STK33: variants seen among roughly 807,000 people sequenced by gnomAD.
STK33 encodes the protein serine/threonine kinase 33, also known as serine/threonine-protein kinase 33.
STK33 carries 52 observed loss-of-function variants against 58.0 expected under a neutral mutation model. The observed-to-expected ratio is 0.90, with a 90% confidence interval of 0.72 to 1.13. The LOEUF (loss-of-function observed/expected upper bound fraction) is 1.13, where lower values mean the gene tolerates loss of function less well. Ranked by LOEUF, STK33 falls within the 50% of genes most tolerant of loss-of-function variation. STK33 has a pLI of 0.00. For synonymous variants in STK33, 215 were observed against 200.1 expected, an observed-to-expected ratio of 1.07 and a Z score of -0.63; for missense variants, 630 against 604.2, an observed-to-expected ratio of 1.04 and a Z score of -0.45.
chr11:8,425,140 T>A (rs990862981), intron 14 of STK33, among the ~76,000 whole-genome samples: 19 of 151,772 alleles, frequency 1.3e-4, no homozygotes, highest in Admixed American at 3.3e-4. Flanking sequence ...AAGTCTTTAA[T>A]CCATCTTGAA....
the STK33 span, among the ~76,000 whole-genome samples, chr11:8,385,214 T>C: frequency 6.6e-6 from 1 of 152,240 alleles, no homozygotes; most frequent in Non-Finnish European, 1.5e-5. Context: ...CTCTAACTAA[T>C]CTCCCTGGTT....
chr11:8,514,930 A>G (rs1484238870), intron 1 of STK33, among the ~76,000 whole-genome samples: 1 of 152,230 alleles, frequency 6.6e-6, no homozygotes, highest in Non-Finnish European at 1.5e-5. Context: ...AATACAGACA[A>G]GAAAATTATA....
intron 1 of STK33, among the ~76,000 whole-genome samples, chr11:8,492,014 T>C (rs1033819120): frequency 1.3e-5 from 2 of 152,104 alleles, no homozygotes; most frequent in South Asian, 4.1e-4. Flanking sequence ...AGACCATCAA[T>C]GCTAGGAAGA....
intron 6 of STK33, among the ~76,000 whole-genome samples, chr11:8,472,083 T>C (rs918736165): frequency 6.6e-6 from 1 of 152,150 alleles, no homozygotes; most frequent in African/African-American, 2.4e-5. Flanking sequence ...AATGCCTCTA[T>C]ATCCTGCTAA....
chr11:8,409,431 T>A (rs1939828153), intron 15 of STK33, among the ~76,000 whole-genome samples: 1 of 152,176 alleles, frequency 6.6e-6, no homozygotes, highest in African/African-American at 2.4e-5. Flanking sequence ...TCAGCCAGAA[T>A]AACGGCCAAG....
downstream of STK33, among the ~76,000 whole-genome samples, chr11:8,388,247 C>G (rs944684157): frequency 6.6e-6 from 1 of 152,164 alleles, no homozygotes; most frequent in Admixed American, 6.5e-5. Flanking sequence ...GTGGTGGGAA[C>G]CCCCACCACT....
At chr11:8,554,030 T>C (rs1031263234) in intron 1 of STK33, among the ~76,000 whole-genome samples, 29 of 151,820 alleles carry the variant, frequency 1.9e-4, no homozygotes, top group African/African-American at 7.0e-4. Context: ...TAGGAGAAAA[T>C]ATTTACAAAC....
intron 1 of STK33, among the ~76,000 whole-genome samples, chr11:8,526,935 A>C (rs761132034): frequency 2.5e-4 from 37 of 150,098 alleles, no homozygotes; most frequent in Non-Finnish European, 5.0e-4. Context: ...AAAAGAAAAC[A>C]GGTAATTATT....
At chr11:8,561,667 T>C (rs1957120725) in intron 1 of STK33, among the ~76,000 whole-genome samples, 1 of 152,222 alleles carries the variant, frequency 6.6e-6, no homozygotes. Context: ...AACACATATG[T>C]TGGATCTTCT....
chr11:8,390,007 C>G (rs1848596162), downstream of STK33, among the ~76,000 whole-genome samples: 1 of 152,186 alleles, frequency 6.6e-6, no homozygotes, highest in Non-Finnish European at 1.5e-5. Flanking sequence ...TCCTCTCGCT[C>G]CGGCTTCCGG....
chr11:8,491,926 A>C (rs906973639), intron 1 of STK33, among the ~76,000 whole-genome samples: 19 of 152,186 alleles, frequency 1.2e-4, no homozygotes, highest in Non-Finnish European at 1.8e-4. Flanking sequence ...GCCTGCCCTA[A>C]AAGAGCTCCT....
At chr11:8,424,716 G>A (rs1476492137) in intron 14 of STK33, among the ~76,000 whole-genome samples, 2 of 146,352 alleles carry the variant, frequency 1.4e-5, no homozygotes, top group African/African-American at 5.2e-5. Flanking sequence ...TTGTGGTTTT[G>A]ATTCACATTT....
At chr11:8,475,708 T>C (rs1369256699) in intron 4 of STK33, 1 of 152,100 alleles carries the variant, frequency 6.6e-6, no homozygotes, top group Non-Finnish European at 1.5e-5. Flanking sequence ...ACTAGGACCA[T>C]TGGCAGCTGC....
At position 8,392,508 on chromosome 11, in the gene STK33, C is replaced by A. The variant is rs149850747; in HGVS notation, c.*2G>T. 1.2e-5 allele frequency: 19 copies of A among 1,614,030 alleles called. No individual in the cohort carries two copies. Among genetic ancestry groups the A allele is most frequent in the Admixed American group, 3.3e-5 (2 of 59,996 alleles). On this transcript the variant is annotated 3_prime_UTR_variant, in exon 16 of 16. Coordinates refer to ENST00000687296, the MANE Select transcript of STK33 (RefSeq NM_001352389.2). Reference sequence around the variant, plus strand: ...TTGTACTGTCCAACACTGGAGGGAACCTTAGAGTTTCTTTTTGGTTCTGGA... The same window carrying A: ...TTGTACTGTCCAACACTGGAGGGAAACTTAGAGTTTCTTTTTGGTTCTGGA...
chr11:8,497,886 CCAGTCAAAGA>C (rs1951184184), intron 1 of STK33, among the ~76,000 whole-genome samples: 1 of 152,186 alleles, frequency 6.6e-6, no homozygotes, highest in South Asian at 2.1e-4. Context: ...GATACCAAAA[CCAGTCAAAGA>C]CATCTCACAC....
intron 1 of STK33, among the ~76,000 whole-genome samples, chr11:8,588,744 GAA>G (rs2032124974): frequency 6.6e-6 from 1 of 152,084 alleles, no homozygotes; most frequent in Admixed American, 6.5e-5. Flanking sequence ...CAAAATGGAA[GAA>G]AATATTTGCA....
intron 1 of STK33, among the ~76,000 whole-genome samples, chr11:8,504,084 T>C (rs1565211823): frequency 2.0e-5 from 3 of 152,308 alleles, no homozygotes; most frequent in South Asian, 4.1e-4. Context: ...CAGGAACTCA[T>C]ACAAAATAGG....
intron 1 of STK33, among the ~76,000 whole-genome samples, chr11:8,571,782 A>G (rs2141140168): frequency 6.6e-6 from 1 of 151,452 alleles, no homozygotes; most frequent in South Asian, 2.1e-4. Context: ...GCAGTGACCC[A>G]AGATCGCGCC....
intron 1 of STK33, among the ~76,000 whole-genome samples, chr11:8,527,106 G>A (rs960051905): frequency 6.6e-6 from 1 of 151,492 alleles, no homozygotes; most frequent in Non-Finnish European, 1.5e-5. Context: ...GATTACAGGT[G>A]CCCGCCACAA....
Sources: gnomAD v4.1 joint callset for allele counts (sites outside exome capture counted in the v4.1 genomes callset) on GRCh38, gnomAD v4.1.1 for gene constraint, MANE v1.5 for transcripts, NCBI Gene and HGNC (gene_info 2026-07-23, HGNC 2026-07-21) for gene names.